The following LUZP4 variants were observed in gnomAD, a reference collection of about 807,000 sequenced individuals.
LUZP4 encodes the protein HOM-TES-85 tumor antigen.
In LUZP4, 11 loss-of-function variants were observed where a neutral mutation model predicts 8.5. The observed-to-expected ratio is 1.30, with a 90% CI of 0.82 to 2.14. LUZP4 has a LOEUF of 2.14. LUZP4 is among the 30% of genes most tolerant of loss of function. The pLI is 0.00. For missense variants in LUZP4, 276 were observed against 229.7 expected (o/e 1.20, Z -1.30); for synonymous variants, 104 against 79.4 (o/e 1.31, Z -1.65).
At position 115,306,465 on chromosome X, in the gene LUZP4, TGAGAGATCTCATGGCCACTCA is replaced by T. The variant is rs781965957; in HGVS notation, c.618_638del (p.Glu223_Ser229del). ...AATACAAGAGATCTCATGGTCAATC[TGAGAGATCTCATGGCCACTCA>T]GAGAGATCTCATGGTCACTCAGAGA... On this transcript the variant is annotated inframe_deletion, in exon 4 of 4. Transcript: ENST00000371920. The T allele has an allele frequency of 6.6e-6, 8 of 1,208,375 alleles. No homozygotes were observed. The highest frequency in any genetic ancestry group is 8.9e-6 in the Non-Finnish European group (8 of 894,784).
intron 2 of LUZP4, among the ~76,000 whole-genome samples, chrX:115,302,558 C>T (rs966295822): frequency 8.9e-6 from 1 of 112,793 alleles, no homozygotes. Flanking sequence ...CCTCTATATA[C>T]TTAACCTCAT....
At chrX:115,297,282 G>A (rs1603134735) in intron 1 of LUZP4, among the ~76,000 whole-genome samples, 1 of 111,820 alleles carries the variant, frequency 8.9e-6, no homozygotes, top group Non-Finnish European at 1.9e-5. Context: ...TACTTAGGAT[G>A]AGAGTAGTTT....
intron 1 of LUZP4, among the ~76,000 whole-genome samples, chrX:115,290,160 G>A (rs2073342272): frequency 9.0e-6 from 1 of 111,178 alleles, no homozygotes; most frequent in African/African-American, 3.3e-5. Context: ...AAAATAGACC[G>A]CTATTAACGT....
chrX:115,295,348 G>T (rs1261486276), intron 1 of LUZP4, among the ~76,000 whole-genome samples: 6 of 112,202 alleles, frequency 5.3e-5, no homozygotes, highest in Non-Finnish European at 9.4e-5. Flanking sequence ...CAAAGTGCTG[G>T]GATTACAGCC....
At chrX:115,290,689 TGACTTTAGAAATGGAGAA>T (rs1194019531) in intron 1 of LUZP4, among the ~76,000 whole-genome samples, 24 of 110,801 alleles carry the variant, frequency 2.2e-4, no homozygotes, top group African/African-American at 7.9e-4. Flanking sequence ...GGATGGAAGC[TGACTTTAGAAATGGAGAA>T]GGGCATCAGA....
At chrX:115,291,923 GAAAA>G in intron 1 of LUZP4, among the ~76,000 whole-genome samples, 1 of 101,470 alleles carries the variant, frequency 9.9e-6, no homozygotes, top group East Asian at 3.1e-4. Context: ...CTTCATCTCA[GAAAA>G]AAAAAAAAGT....
intron 3 of LUZP4, among the ~76,000 whole-genome samples, chrX:115,304,119 C>T (rs1321850721): frequency 8.9e-6 from 1 of 112,289 alleles, no homozygotes; most frequent in Non-Finnish European, 1.9e-5. Context: ...GTTGCATTTT[C>T]AAATATTTAA....
intron 1 of LUZP4, 121 bp from the exon 2 acceptor site, chrX:115,301,871 T>A: frequency 2.7e-6 from 1 of 367,912 alleles, no homozygotes; most frequent in Admixed American, 5.5e-5. Context: ...ATTATTATCA[T>A]TTTTAGGGCT....
At chrX:115,298,732 C>T (rs961989867) in intron 1 of LUZP4, among the ~76,000 whole-genome samples, 1 of 111,556 alleles carries the variant, frequency 9.0e-6, no homozygotes, top group Non-Finnish European at 1.9e-5. Context: ...TGAGTTTCCT[C>T]AACACAGCTA....
chrX:115,292,532 T>C (rs978830009), intron 1 of LUZP4, among the ~76,000 whole-genome samples: 1 of 110,978 alleles, frequency 9.0e-6, no homozygotes, highest in South Asian at 3.8e-4. Context: ...TGTGTGTGTG[T>C]ATCTTTAGGA....
intron 3 of LUZP4, among the ~76,000 whole-genome samples, 180 bp downstream of exon 3, chrX:115,303,598 T>A (rs990395280): frequency 1.8e-5 from 2 of 112,486 alleles, no homozygotes; most frequent in African/African-American, 6.4e-5. Context: ...TGTAACTATT[T>A]TAATAAACAT....
intron 1 of LUZP4, among the ~76,000 whole-genome samples, chrX:115,295,291 C>A (rs1319241091): frequency 1.8e-5 from 2 of 111,517 alleles, no homozygotes; most frequent in African/African-American, 6.5e-5. Flanking sequence ...GTTGCCCAGG[C>A]TGGTCTCGAA....
chrX:115,295,316 C>T (rs377722712), intron 1 of LUZP4, among the ~76,000 whole-genome samples: 8 of 111,739 alleles, frequency 7.2e-5, no homozygotes, highest in South Asian at 7.4e-4. Flanking sequence ...TGGGCTCGAG[C>T]GATCTTCTCG....
intron 1 of LUZP4, among the ~76,000 whole-genome samples, chrX:115,293,567 C>T (rs373384306): frequency 9.0e-6 from 1 of 111,390 alleles, no homozygotes. Flanking sequence ...TGTGAGCCAC[C>T]ACATCCGGCC....
Position 115,306,376 on chromosome X carries a change from C to A in LUZP4, c.514C>A (p.Gln172Lys). The change falls in exon 4 of 4, where the codon CAG (glutamine) becomes AAG (lysine). Residue 172 changes from glutamine to lysine, a missense_variant. By Grantham distance (53) the Gln-to-Lys change is moderately conservative. Coordinates refer to ENST00000371920, the MANE Select transcript of LUZP4 (RefSeq NM_016383.5). ...AAACCACTTAGAGAGATCTCTTTCT[C>A]AGTCAGACAGATCTCAAGGGCAGCT... ...SRNHLERSLSQSDRSQGQLKR... is the reference protein window; with the variant it reads ...SRNHLERSLSKSDRSQGQLKR... The A allele has an allele frequency of 8.3e-7, 1 of 1,211,150 alleles. No individual in the cohort carries two copies.
rs1198478326 is a variant in LUZP4, at chrX:115,302,572, T to C, written c.223+449T>C. 3.5e-5 allele frequency among the ~76,000 whole-genome samples: 4 copies of C among 113,007 alleles called. No homozygotes were observed. In the Admixed American group the frequency reaches 3.7e-4, roughly 11 times the overall value. ...TCCTCTATATACTTAACCTCATTGG[T>C]AATTGCAGTATGCATTTTTTAATAT... On this transcript the variant is annotated intron_variant, in intron 2 of 3. Coordinates refer to ENST00000371920, the MANE Select transcript of LUZP4 (RefSeq NM_016383.5).
chrX:115,295,127 G>T (rs1301626900), intron 1 of LUZP4, among the ~76,000 whole-genome samples: 3 of 111,420 alleles, frequency 2.7e-5, no homozygotes, highest in African/African-American at 6.5e-5. Context: ...TGAGGCTGGA[G>T]TGCAGTGGCA....
chrX:115,305,062 A>ATATATG (rs2073414249), intron 3 of LUZP4, among the ~76,000 whole-genome samples: 2 of 111,971 alleles, frequency 1.8e-5, no homozygotes, highest in African/African-American at 6.5e-5. Context: ...AAGGTAGGAA[A>ATATATG]TACATAGTAC....
intron 1 of LUZP4, among the ~76,000 whole-genome samples, chrX:115,294,734 A>G (rs1476588246): frequency 8.9e-6 from 1 of 111,764 alleles, no homozygotes; most frequent in Non-Finnish European, 1.9e-5. Context: ...AGGCACTTAT[A>G]TTTTAGTAGA....
Sources: allele counts gnomAD v4.1 joint callset (sites outside exome capture counted in the v4.1 genomes callset), GRCh38; gene constraint gnomAD v4.1.1; transcripts MANE v1.5; gene names NCBI Gene and HGNC (gene_info 2026-07-23, HGNC 2026-07-21).